The following COMMD1 variants were observed in gnomAD, a reference collection of about 807,000 sequenced individuals.
COMMD1 encodes copper metabolism domain containing 1, also known as COMM domain-containing protein 1.
A neutral mutation model predicts 17.2 loss-of-function variants in COMMD1; 10 were observed. The ratio of observed to expected loss-of-function variants is 0.58; its 90% confidence interval spans 0.36 to 0.99. The LOEUF is 0.99. COMMD1 is among the 50% of genes least tolerant of loss of function. The probability of loss-of-function intolerance (pLI) is 0.01; values close to 1 mark genes in which losing one functional copy is unlikely to be tolerated. For synonymous variants in COMMD1, 97 were observed against 91.6 expected (o/e 1.06, Z -0.34); for missense variants, 270 against 231.8 (o/e 1.17, Z -1.07).
At chr2:61,963,169 A>AAATAT (rs1553373128) in intron 1 of COMMD1, among the ~76,000 whole-genome samples, 95 of 143,566 alleles carry the variant, frequency 6.6e-4, no homozygotes, top group African/African-American at 2.4e-3. Flanking sequence ...CAAAAAAAAA[A>AAATAT]ATATATATAT....
At chr2:61,966,379 G>C (rs142423592) in intron 1 of COMMD1, among the ~76,000 whole-genome samples, 87 of 152,086 alleles carry the variant, frequency 5.7e-4, no homozygotes, top group Non-Finnish European at 9.6e-4. Flanking sequence ...TTTTACTTAC[G>C]AAACCAAATA....
intron 2 of COMMD1, among the ~76,000 whole-genome samples, chr2:62,090,161 C>T (rs1158369472): frequency 2.0e-5 from 3 of 151,486 alleles, no homozygotes; most frequent in African/African-American, 7.3e-5. Flanking sequence ...GTGCCTTTTC[C>T]TTTTGCTATA....
chr2:61,951,447 G>A (rs1300952974), intron 1 of COMMD1, among the ~76,000 whole-genome samples: 2 of 147,808 alleles, frequency 1.4e-5, no homozygotes, highest in African/African-American at 5.0e-5. Context: ...GTAACAGAAC[G>A]AGACTCTGTC....
intron 2 of COMMD1, among the ~76,000 whole-genome samples, chr2:62,024,324 C>T (rs1282566431): frequency 6.6e-6 from 1 of 152,144 alleles, no homozygotes; most frequent in Non-Finnish European, 1.5e-5. Context: ...TCAAGCAATT[C>T]TCCCACCTCA....
intron 2 of COMMD1, among the ~76,000 whole-genome samples, chr2:62,013,177 A>C (rs1255760300): frequency 6.6e-6 from 1 of 152,078 alleles, no homozygotes; most frequent in Non-Finnish European, 1.5e-5. Flanking sequence ...CTAAGGTTGG[A>C]ATTGCTTTTC....
intron 2 of COMMD1, among the ~76,000 whole-genome samples, chr2:62,131,174 T>G (rs1573221083): frequency 6.6e-6 from 1 of 152,342 alleles, no homozygotes; most frequent in East Asian, 1.9e-4. Context: ...TGCCTTTGCT[T>G]TCCATTGTAA....
At chr2:62,025,942 C>A (rs768372151) in intron 2 of COMMD1, among the ~76,000 whole-genome samples, 12 of 152,120 alleles carry the variant, frequency 7.9e-5, no homozygotes, top group Non-Finnish European at 1.5e-4. Context: ...GATCTGCCTG[C>A]CTTGGCCTCC....
chr2:61,941,044 CT>C (rs376857240), intron 1 of COMMD1, among the ~76,000 whole-genome samples: 12 of 145,234 alleles, frequency 8.3e-5, no homozygotes, highest in East Asian at 4.2e-4. Flanking sequence ...ATAACCCCCC[CT>C]TTTTTTTTGG....
At chr2:62,008,333 C>G (rs1669181197) in intron 2 of COMMD1, among the ~76,000 whole-genome samples, 1 of 151,992 alleles carries the variant, frequency 6.6e-6, no homozygotes, top group Admixed American at 6.6e-5. Flanking sequence ...CACACAGACC[C>G]ACAATCTTTC....
At chr2:61,962,302 C>T (rs537229843) in intron 1 of COMMD1, among the ~76,000 whole-genome samples, 80 of 152,262 alleles carry the variant, frequency 5.3e-4, no homozygotes, top group Middle Eastern at 3.4e-3. Flanking sequence ...TGGCCTTTGC[C>T]CCTGGTTCCT....
chr2:61,903,034 T>C (rs1018179168), upstream of COMMD1, among the ~76,000 whole-genome samples: 5 of 152,190 alleles, frequency 3.3e-5, no homozygotes, highest in Non-Finnish European at 7.3e-5. Flanking sequence ...TGTAAGTACA[T>C]GTAAAACAAT....
chr2:62,064,881 G>C (rs1670984792), intron 2 of COMMD1, among the ~76,000 whole-genome samples: 1 of 152,140 alleles, frequency 6.6e-6, no homozygotes, highest in South Asian at 2.1e-4. Context: ...AAAAATCTAT[G>C]CTGTGCCAGG....
chr2:62,004,834 C>T (rs1345129105), intron 2 of COMMD1, among the ~76,000 whole-genome samples: 1 of 152,168 alleles, frequency 6.6e-6, no homozygotes, highest in Non-Finnish European at 1.5e-5. Flanking sequence ...TAGGCACCCA[C>T]ATCAAAGTTG....
upstream of COMMD1, among the ~76,000 whole-genome samples, chr2:61,904,586 G>A (rs916959961): frequency 6.6e-6 from 1 of 152,146 alleles, no homozygotes; most frequent in Non-Finnish European, 1.5e-5. Flanking sequence ...TGGCTACTTT[G>A]TATGTCTTTT....
At chr2:62,098,229 T>C (rs1008229277) in intron 2 of COMMD1, among the ~76,000 whole-genome samples, 7 of 150,350 alleles carry the variant, frequency 4.7e-5, no homozygotes, top group Non-Finnish European at 1.0e-4. Flanking sequence ...CGATCTTGGC[T>C]CACTGCAACT....
intron 1 of COMMD1, among the ~76,000 whole-genome samples, chr2:61,990,901 T>TAC (rs1332695175): frequency 2.0e-3 from 87 of 42,732 alleles, no homozygotes; most frequent in Admixed American, 4.2e-3. Flanking sequence ...AATATATATA[T>TAC]ATACACACAC....
chr2:61,939,214 G>A (rs1469767907), intron 1 of COMMD1, among the ~76,000 whole-genome samples: 3 of 151,710 alleles, frequency 2.0e-5, no homozygotes, highest in African/African-American at 7.3e-5. Context: ...AGCGCTTTGG[G>A]AGGCTGAGGC....
intron 1 of COMMD1, among the ~76,000 whole-genome samples, chr2:61,937,118 G>C (rs781548592): frequency 6.6e-5 from 10 of 152,164 alleles, no homozygotes; most frequent in Non-Finnish European, 1.2e-4. Context: ...TAGACAGCAA[G>C]GTTTTATCCT....
intron 2 of COMMD1, among the ~76,000 whole-genome samples, chr2:62,062,168 G>A (rs992526504): frequency 1.1e-4 from 17 of 151,640 alleles, no homozygotes; most frequent in Admixed American, 5.9e-4. Flanking sequence ...TCTGTAAGAC[G>A]CCAATTGTAA....
Sources: gnomAD v4.1 joint callset for allele counts (sites outside exome capture counted in the v4.1 genomes callset) on GRCh38, gnomAD v4.1.1 for gene constraint, MANE v1.5 for transcripts, NCBI Gene and HGNC (gene_info 2026-07-23, HGNC 2026-07-21) for gene names.